Variants in TRABD2B observed in about 807,000 individuals in gnomAD.
The protein encoded by TRABD2B is metalloprotease TIKI2.
A neutral mutation model predicts 40.1 loss-of-function variants in TRABD2B; 14 were observed. That is an observed-to-expected ratio of 0.35 (90% confidence interval 0.23 to 0.55). The LOEUF is 0.55. TRABD2B is among the 20% of genes least tolerant of loss of function. The pLI is 0.90. For synonymous variants in TRABD2B, 263 were observed against 277.0 expected (o/e 0.95, Z 0.50); for missense variants, 541 against 648.6 (o/e 0.83, Z 1.80).
At chr1:47,809,749 AGCAGCAG>A (rs1644938722) in intron 2 of TRABD2B, among the ~76,000 whole-genome samples, 1 of 152,132 alleles carries the variant, frequency 6.6e-6, no homozygotes, top group African/African-American at 2.4e-5. Context: ...TGGGCTACTG[AGCAGCAG>A]GCATCCAAAT....
intron 2 of TRABD2B, among the ~76,000 whole-genome samples, chr1:47,987,684 T>A (rs74642191): frequency 1.3e-5 from 2 of 152,022 alleles, no homozygotes; most frequent in Admixed American, 6.5e-5. Context: ...CCTGCAGGGG[T>A]TCTTCACAAA....
intron 2 of TRABD2B, among the ~76,000 whole-genome samples, chr1:47,906,801 TTAA>T (rs1292209808): frequency 3.3e-5 from 5 of 152,212 alleles, no homozygotes; most frequent in East Asian, 1.9e-4. Flanking sequence ...AAAAGACAGC[TTAA>T]TAATGCAGCA....
intron 5 of TRABD2B, 105 bp downstream of exon 5, chr1:47,778,349 A>G: frequency 1.2e-6 from 1 of 809,374 alleles, no homozygotes; most frequent in Non-Finnish European, 2.0e-6. Flanking sequence ...GCTTCCTGGT[A>G]GAGACCTGCC....
rs1273819625 is a variant in TRABD2B at position 47,764,439 on chromosome 1, AC to A, written c.*1462del. 1 of 150,742 alleles carries A rather than the reference AC, an allele frequency of 6.6e-6. No homozygotes were observed. The highest frequency in any genetic ancestry group is 1.5e-5 in the Non-Finnish European group (1 of 67,682). The allele number at this position is 150,742 out of a possible 1,614,324, so 9.3% of individuals were successfully genotyped here. The stretch of plus-strand genomic sequence containing the variant: ...TGGGTCCTCTGTCTCCTCAACCACC[AC>A]CTTGAGGAGCCGAGGGGCTAAAGTC... On this transcript the variant is annotated 3_prime_UTR_variant, in exon 7 of 7. Transcript: ENST00000606738.
At chr1:47,884,448 C>G (rs1234267271) in intron 2 of TRABD2B, among the ~76,000 whole-genome samples, 2 of 152,060 alleles carry the variant, frequency 1.3e-5, no homozygotes, top group Non-Finnish European at 2.9e-5. Flanking sequence ...AGCTGCACAC[C>G]CTGGCTATCA....
intron 2 of TRABD2B, among the ~76,000 whole-genome samples, chr1:47,849,571 G>A (rs190865895): frequency 6.6e-6 from 1 of 152,228 alleles, no homozygotes; most frequent in Non-Finnish European, 1.5e-5. Context: ...CCTACTGTGA[G>A]TGGGCACCTC....
At chr1:47,851,716 T>C (rs1051140915) in intron 2 of TRABD2B, among the ~76,000 whole-genome samples, 1 of 152,124 alleles carries the variant, frequency 6.6e-6, no homozygotes, top group Non-Finnish European at 1.5e-5. Context: ...ATTAGTTGAG[T>C]GTGTGTGTAC....
rs376437269 is a variant in TRABD2B, at chr1:47,859,937, T to C, written c.667-58318A>G. Among the ~76,000 whole-genome samples the C allele has an allele frequency of 5.3e-5, 8 of 152,350 alleles. 1 individual carries two copies. Among genetic ancestry groups the C allele is most frequent in the African/African-American group, 1.4e-4 (6 of 41,576 alleles). On this transcript the variant is annotated intron_variant, in intron 2 of 6. Coordinates refer to ENST00000606738, the MANE Select transcript of TRABD2B (RefSeq NM_001194986.2). ...CAACCTGGTTAGTCCTGTTGACAGA[T>C]GTGAAATGAAGCTCAGGGAGGTGAC...
At chr1:47,873,836 C>T (rs1485397608) in intron 2 of TRABD2B, among the ~76,000 whole-genome samples, 1 of 152,124 alleles carries the variant, frequency 6.6e-6, no homozygotes, top group Non-Finnish European at 1.5e-5. Context: ...CACCAAGAGT[C>T]GGTTTGGGAG....
chr1:47,920,395 A>G (rs1461620979), intron 2 of TRABD2B, among the ~76,000 whole-genome samples: 1 of 152,244 alleles, frequency 6.6e-6, no homozygotes, highest in African/African-American at 2.4e-5. Context: ...AAAATGATGC[A>G]TGACCTAGAC....
chr1:47,786,786 G>A (rs72892306), intron 4 of TRABD2B, among the ~76,000 whole-genome samples: 3,834 of 152,200 alleles, frequency 0.025, 171 homozygotes, highest in African/African-American at 0.087. Flanking sequence ...CTGCAGCCTT[G>A]ACATCTGGGC....
intron 2 of TRABD2B, among the ~76,000 whole-genome samples, chr1:47,897,313 G>A (rs1021556144): frequency 1.3e-5 from 2 of 152,148 alleles, no homozygotes; most frequent in African/African-American, 4.8e-5. Flanking sequence ...GATCAGAGAG[G>A]AAGCGAGCTG....
rs545120224 is a variant in TRABD2B at position 47,908,671 on chromosome 1, C to G, written c.666+85363G>C. The stretch of plus-strand genomic sequence containing the variant: ...GCAGCTCTTTCTCCTCCAAGCCTCT[C>G]TGGCCTTTTCTTCAACCCTCAATGG... On this transcript the variant is annotated intron_variant, in intron 2 of 6. Coordinates refer to ENST00000606738, the MANE Select transcript of TRABD2B (RefSeq NM_001194986.2). Among the ~76,000 whole-genome samples, 37 of 152,352 alleles carry G rather than the reference C, an allele frequency of 2.4e-4. No homozygotes were observed. In the South Asian group the frequency reaches 7.5e-3, roughly 31 times the overall value.
intron 2 of TRABD2B, among the ~76,000 whole-genome samples, chr1:47,941,507 A>G (rs1261418800): frequency 6.6e-6 from 1 of 152,232 alleles, no homozygotes; most frequent in Non-Finnish European, 1.5e-5. Flanking sequence ...GAAAAAGTGA[A>G]CTACATTGAG....
In TRABD2B at chr1:47,855,377, C is replaced by T. The variant is rs114696738; in HGVS notation, c.667-53758G>A. Among the ~76,000 whole-genome samples, 802 of 152,326 alleles carry T rather than the reference C, an allele frequency of 5.3e-3. 3 individuals carry two copies. The highest frequency in any genetic ancestry group is 7.9e-3 in the South Asian group (38 of 4,824). The stretch of plus-strand genomic sequence containing the variant: ...CCTCCAGAGGCAATCACTTCTGAGG[C>T]TGGAGTGTATCCTTGTCTGCATTTT... On this transcript the variant is annotated intron_variant, in intron 2 of 6. Coordinates refer to ENST00000606738, the MANE Select transcript of TRABD2B (RefSeq NM_001194986.2).
chr1:47,835,399 T>G (rs369953142), intron 2 of TRABD2B, among the ~76,000 whole-genome samples: 2 of 152,050 alleles, frequency 1.3e-5, no homozygotes, highest in East Asian at 3.9e-4. Context: ...CAAAATTTGA[T>G]TTAAAAACAT....
intron 2 of TRABD2B, among the ~76,000 whole-genome samples, chr1:47,903,770 T>C (rs1250618927): frequency 6.6e-6 from 1 of 152,138 alleles, no homozygotes; most frequent in East Asian, 1.9e-4. Flanking sequence ...TTACCATAAA[T>C]GAGAATGGCT....
intron 2 of TRABD2B, among the ~76,000 whole-genome samples, chr1:47,908,309 T>C (rs896078558): frequency 6.6e-6 from 1 of 152,242 alleles, no homozygotes; most frequent in Non-Finnish European, 1.5e-5. Context: ...GGTGGAATTT[T>C]ATAATTTTTT....
intron 2 of TRABD2B, among the ~76,000 whole-genome samples, chr1:47,956,426 C>G (rs1645423497): frequency 6.6e-6 from 1 of 152,228 alleles, no homozygotes; most frequent in Admixed American, 6.5e-5. Context: ...ACCTGGGAAA[C>G]TCAAGGGGTC....
Sources: allele counts gnomAD v4.1 joint callset (sites outside exome capture counted in the v4.1 genomes callset), GRCh38; gene constraint gnomAD v4.1.1; transcripts MANE v1.5; gene names NCBI Gene and HGNC (gene_info 2026-07-23, HGNC 2026-07-21).